Variants in SLC30A6 observed in about 807,000 individuals in gnomAD.
The protein encoded by SLC30A6 is zinc transporter 6.
A neutral mutation model predicts 63.0 loss-of-function variants in SLC30A6; 55 were observed. That is an observed-to-expected ratio of 0.87 (90% CI 0.70 to 1.09). The LOEUF is 1.09. Among genes scored for constraint, SLC30A6 ranks in the 50% least tolerant of loss-of-function variants. The probability of loss-of-function intolerance (pLI) is 0.00; values close to 1 mark genes in which losing one functional copy is unlikely to be tolerated. For missense variants in SLC30A6, 587 were observed against 549.2 expected (o/e 1.07, Z -0.69); for synonymous variants, 224 against 186.1 (o/e 1.20, Z -1.66).
chr2:32,220,445 T>G lies in SLC30A6; in HGVS notation c.1118T>G (p.Val373Gly), dbSNP rs539533883. The G allele has an allele frequency of 1.9e-6, 3 of 1,614,238 alleles. No homozygotes were observed. The highest frequency in any genetic ancestry group is 2.5e-6 in the Non-Finnish European group (3 of 1,180,038). ...LLKGTDDLNPVTSTPAKPSSP... is the reference protein window; with the variant it reads ...LLKGTDDLNPGTSTPAKPSSP... The stretch of plus-strand genomic sequence containing the variant: ...AAGGGTACTGATGATTTGAACCCAG[T>G]TACATCAACTCCAGCTAAACCTAGT... The change falls in exon 14 of 14, where the codon GTT (valine) becomes GGT (glycine). Residue 373 changes from valine (V) to glycine (G), a missense_variant. Physicochemically the swap from Val to Gly is moderately radical, Grantham distance 109. Coordinates refer to ENST00000282587, the MANE Select transcript of SLC30A6 (RefSeq NM_017964.5).
intron 8 of SLC30A6, among the ~76,000 whole-genome samples, chr2:32,195,175 C>G (rs1209106134): frequency 1.4e-5 from 2 of 146,508 alleles, no homozygotes; most frequent in African/African-American, 5.0e-5. Context: ...TCTTGGCTCA[C>G]TGCAACCTCT....
chr2:32,193,054 C>A, intron 7 of SLC30A6, 101 bp downstream of exon 7: 2 of 747,612 alleles, frequency 2.7e-6, no homozygotes, highest in Non-Finnish European at 4.2e-6. Flanking sequence ...ACTGTGGCAA[C>A]ATAACGTTTT....
intron 13 of SLC30A6, among the ~76,000 whole-genome samples, chr2:32,213,796 CT>C (rs767073182): frequency 3.3e-4 from 35 of 106,748 alleles, no homozygotes; most frequent in Non-Finnish European, 3.9e-4. Context: ...CTAGGATAAA[CT>C]TTTTTTTTTT....
In SLC30A6 at chr2:32,220,336, A is replaced by G; in HGVS notation, c.1009A>G (p.Ile337Val). 1 of 1,614,190 alleles carries G rather than the reference A, an allele frequency of 6.2e-7. No homozygotes were observed. Among genetic ancestry groups the G allele is most frequent in the Non-Finnish European group, 8.5e-7 (1 of 1,180,030 alleles). Residue 337 changes from isoleucine to valine, a missense_variant, in exon 14 of 14, where the codon ATT (isoleucine) becomes GTT (valine). By Grantham distance (29) the Ile-to-Val change is conservative. Transcript: ENST00000282587. The part of the protein sequence containing the change: ...LTVQIFKDDW[I>V]RPALLSGPVA... ...TGTTCAAATTTTCAAGGATGACTGG[A>G]TTAGGCCTGCCTTATTGTCTGGGCC...
chr2:32,204,220 A>C (rs982221912), intron 10 of SLC30A6, among the ~76,000 whole-genome samples: 1 of 149,790 alleles, frequency 6.7e-6, no homozygotes. Flanking sequence ...GTCTCTTTTT[A>C]AAAAAAAATT....
chr2:32,185,566 C>T (rs956984906), intron 5 of SLC30A6, among the ~76,000 whole-genome samples: 2 of 151,920 alleles, frequency 1.3e-5, no homozygotes, highest in African/African-American at 4.8e-5. Context: ...GTCTTCTTTT[C>T]CACCATACCA....
intron 5 of SLC30A6, among the ~76,000 whole-genome samples, chr2:32,191,411 G>T (rs745972626): frequency 1.3e-5 from 2 of 151,388 alleles, no homozygotes; most frequent in South Asian, 4.2e-4. Flanking sequence ...TAATTTTTTT[G>T]TCTTTTCTGT....
chr2:32,203,354 A>T, intron 10 of SLC30A6: 1 of 951,390 alleles, frequency 1.1e-6, no homozygotes, highest in Non-Finnish European at 1.7e-6. Flanking sequence ...TATTCCTTCT[A>T]CAATGGATTT....
chr2:32,174,426 C>T (rs1681526178), intron 3 of SLC30A6, among the ~76,000 whole-genome samples: 1 of 151,786 alleles, frequency 6.6e-6, no homozygotes, highest in Admixed American at 6.6e-5. Flanking sequence ...ATCCTGAGCT[C>T]AAACGATCTA....
chr2:32,192,288 T>A (rs746212386), intron 5 of SLC30A6, 48 bp from the exon 6 acceptor site: 75 of 1,539,962 alleles, frequency 4.9e-5, no homozygotes, highest in Non-Finnish European at 6.7e-5. Context: ...AGAGACTGGT[T>A]TGTGAATTGA....
chr2:32,203,169 G>A, intron 10 of SLC30A6: 1 of 1,243,352 alleles, frequency 8.0e-7, no homozygotes. Context: ...CATTCCTGAA[G>A]TTGACCTGGT....
chr2:32,196,613 C>T (rs1175267308), intron 8 of SLC30A6, among the ~76,000 whole-genome samples: 1 of 152,134 alleles, frequency 6.6e-6, no homozygotes, highest in Non-Finnish European at 1.5e-5. Context: ...GCATCCCAAA[C>T]CTGAAAATTT....
intron 10 of SLC30A6, chr2:32,202,383 G>A (rs1383287227): frequency 1.4e-5 from 4 of 283,108 alleles, no homozygotes; most frequent in East Asian, 9.7e-5. Context: ...TCGCTCTGTC[G>A]CCCAGGCTGG....
intron 13 of SLC30A6, chr2:32,214,588 T>A (rs986550338): frequency 1.3e-5 from 2 of 152,212 alleles, no homozygotes; most frequent in Non-Finnish European, 2.9e-5. Flanking sequence ...ATTGCGTTAA[T>A]GACATTGGAT....
Position 32,220,441 on chromosome 2 carries a change from C to G in SLC30A6, c.1114C>G (p.Pro372Ala), listed in dbSNP as rs1686070850. 6.2e-7 allele frequency: 1 copy of G among 1,614,184 alleles called. No homozygotes were observed. The highest frequency in any genetic ancestry group is 8.5e-7 in the Non-Finnish European group (1 of 1,180,024). ...TTTAAAGGGTACTGATGATTTGAAC[C>G]CAGTTACATCAACTCCAGCTAAACC... Reference protein sequence around the residue: ...PLLKGTDDLNPVTSTPAKPSS... With the variant: ...PLLKGTDDLNAVTSTPAKPSS... The change falls in exon 14 of 14, where the codon CCA becomes GCA. Residue 372 changes from proline (P) to alanine (A), a missense_variant. By Grantham distance (27) the Pro-to-Ala change is conservative. Transcript: ENST00000282587.
intron 8 of SLC30A6, 131 bp downstream of exon 8, chr2:32,194,114 T>G: frequency 1.8e-6 from 1 of 571,138 alleles, no homozygotes. Flanking sequence ...AGCCCAAATG[T>G]TCTCAAGTCT....
chr2:32,182,983 T>C (rs1266035937), intron 4 of SLC30A6, among the ~76,000 whole-genome samples: 1 of 151,948 alleles, frequency 6.6e-6, no homozygotes, highest in Non-Finnish European at 1.5e-5. Flanking sequence ...GGTCAGGAGT[T>C]CCTGACCAGC....
At chr2:32,219,601 ATTT>A (rs1685994270) in intron 13 of SLC30A6, among the ~76,000 whole-genome samples, 2 of 151,098 alleles carry the variant, frequency 1.3e-5, no homozygotes, top group Non-Finnish European at 3.0e-5. Context: ...TGCCTGGCTA[ATTT>A]TTTGTATTTT....
Position 32,191,335 on chromosome 2 carries a change from A to G in SLC30A6, c.285-1001A>G, listed in dbSNP as rs147913449. Among the ~76,000 whole-genome samples the G allele has an allele frequency of 4.9e-3, 745 of 152,256 alleles. 6 individuals are homozygous for G. Among genetic ancestry groups the G allele is most frequent in the African/African-American group, 0.016 (674 of 41,560 alleles). On this transcript the variant is annotated intron_variant, in intron 5 of 13. Coordinates refer to ENST00000282587, the MANE Select transcript of SLC30A6 (RefSeq NM_017964.5). ...CAATAAATACTTTTTTTGTTTAACA[A>G]TATATAATGTTCTATTGTTGATTCC...
Sources: gnomAD v4.1 joint callset for allele counts (sites outside exome capture counted in the v4.1 genomes callset) on GRCh38, gnomAD v4.1.1 for gene constraint, MANE v1.5 for transcripts, NCBI Gene and HGNC (gene_info 2026-07-23, HGNC 2026-07-21) for gene names.